The following CNTN5 variants were observed in gnomAD, a reference collection of about 807,000 sequenced individuals.
CNTN5 encodes contactin 5, also known as contactin-5.
A neutral mutation model predicts 129.1 loss-of-function variants in CNTN5; 77 were observed. That is an observed-to-expected ratio of 0.60 (90% CI 0.50 to 0.72). The LOEUF (loss-of-function observed/expected upper bound fraction) is 0.72, where lower values mean the gene tolerates loss of function less well. Among genes scored for constraint, CNTN5 ranks in the 30% least tolerant of loss-of-function variants. The pLI, the probability that CNTN5 is intolerant of heterozygous loss-of-function variation, is 0.00. For missense variants in CNTN5, 1,478 were observed against 1,328.8 expected (o/e 1.11, Z -1.75); for synonymous variants, 509 against 465.6 (o/e 1.09, Z -1.20).
Position 99,070,724 on chromosome 11 carries a change from C to CT in CNTN5, c.-210+49466dup, listed in dbSNP as rs10711828. Among the ~76,000 whole-genome samples the CT allele has an allele frequency of 1.9e-3, 278 of 148,380 alleles. 2 individuals are homozygous for CT. Among genetic ancestry groups the CT allele is most frequent in the African/African-American group, 5.1e-3 (208 of 40,582 alleles). Reference sequence around the variant, plus strand: ...AGGTATACCAATGGTTTTAAAATAACTTTTTTTTTTTTCAAATCCACTCTA... The same window carrying CT: ...AGGTATACCAATGGTTTTAAAATAACTTTTTTTTTTTTTCAAATCCACTCTA... On this transcript the variant is annotated intron_variant, in intron 1 of 24. Transcript: ENST00000524871.
At chr11:99,195,948 G>T (rs1417371598) in intron 1 of CNTN5, among the ~76,000 whole-genome samples, 1 of 151,856 alleles carries the variant, frequency 6.6e-6, no homozygotes, top group African/African-American at 2.4e-5. Flanking sequence ...CAACATTAAT[G>T]GCTTTCACTT....
intron 3 of CNTN5, among the ~76,000 whole-genome samples, chr11:99,745,099 C>T (rs758309778): frequency 3.3e-4 from 50 of 152,212 alleles, no homozygotes; most frequent in Middle Eastern, 6.8e-3. Context: ...CTCCATTAAG[C>T]GTTTTTATTG....
chr11:99,074,225 G>GT lies in CNTN5; in HGVS notation c.-210+52964dup, dbSNP rs969494638. Among the ~76,000 whole-genome samples the GT allele has an allele frequency of 1.5e-4, 23 of 150,410 alleles. 1 individual carries two copies. The highest frequency in any genetic ancestry group is 3.9e-4 in the East Asian group (2 of 5,112). On this transcript the variant is annotated intron_variant, in intron 1 of 24. Coordinates refer to ENST00000524871, the MANE Select transcript of CNTN5 (RefSeq NM_014361.4). ...ACTTCACCCACTTTTTGATGGAGTTGTTTTTTTTTCTTTTAAATTTGTTTA... is the reference window on the plus strand; with the variant it reads ...ACTTCACCCACTTTTTGATGGAGTTGTTTTTTTTTTCTTTTAAATTTGTTTA...
intron 21 of CNTN5, among the ~76,000 whole-genome samples, chr11:100,324,205 G>A (rs1467355665): frequency 6.6e-6 from 1 of 152,084 alleles, no homozygotes; most frequent in East Asian, 1.9e-4. Context: ...GATTTTTAAA[G>A]GCAAAGAAAG....
chr11:100,037,976 G>A (rs1942129454), intron 9 of CNTN5, among the ~76,000 whole-genome samples: 1 of 151,992 alleles, frequency 6.6e-6, no homozygotes, highest in Admixed American at 6.6e-5. Flanking sequence ...CTTCAGTTCT[G>A]CTCTGATCTT....
At chr11:100,255,174 A>C (rs1210717990) in intron 16 of CNTN5, among the ~76,000 whole-genome samples, 3 of 152,212 alleles carry the variant, frequency 2.0e-5, no homozygotes, top group Admixed American at 2.0e-4. Flanking sequence ...AACTCCCTAC[A>C]GAACTTTATG....
At chr11:99,861,508 T>C (rs763317881) in intron 6 of CNTN5, among the ~76,000 whole-genome samples, 41 of 152,348 alleles carry the variant, frequency 2.7e-4, no homozygotes, top group Non-Finnish European at 2.1e-4. Flanking sequence ...AATTTTTTTT[T>C]CCAATAATTC....
chr11:100,183,494 TAGAGTA>T (rs1441736436), intron 13 of CNTN5, among the ~76,000 whole-genome samples: 1 of 152,120 alleles, frequency 6.6e-6, no homozygotes, highest in Non-Finnish European at 1.5e-5. Flanking sequence ...TGAAATAAAC[TAGAGTA>T]AAAGTATGTA....
At chr11:99,727,868 C>T (rs1280791800) in intron 3 of CNTN5, among the ~76,000 whole-genome samples, 1 of 151,794 alleles carries the variant, frequency 6.6e-6, no homozygotes, top group Non-Finnish European at 1.5e-5. Context: ...TATTTATTAA[C>T]TTATTTAATC....
At chr11:99,436,317 A>T (rs993317902) in intron 2 of CNTN5, among the ~76,000 whole-genome samples, 1 of 152,166 alleles carries the variant, frequency 6.6e-6, no homozygotes, top group African/African-American at 2.4e-5. Flanking sequence ...TCCATTTCAC[A>T]TATGAATAAA....
chr11:99,560,079 C>T (rs953473059), intron 3 of CNTN5, among the ~76,000 whole-genome samples: 2 of 151,996 alleles, frequency 1.3e-5, no homozygotes, highest in Non-Finnish European at 2.9e-5. Flanking sequence ...AAGCAAAGGA[C>T]ATTTTTTAGG....
At chr11:100,213,618 C>T (rs2138594178) in intron 15 of CNTN5, among the ~76,000 whole-genome samples, 1 of 152,208 alleles carries the variant, frequency 6.6e-6, no homozygotes, top group East Asian at 1.9e-4. Context: ...GACTGAGTGT[C>T]CTTGACCTTG....
intron 4 of CNTN5, among the ~76,000 whole-genome samples, chr11:99,825,439 A>G (rs1329195633): frequency 6.6e-6 from 1 of 151,974 alleles, no homozygotes; most frequent in Non-Finnish European, 1.5e-5. Flanking sequence ...CTCTTTTACT[A>G]ATTTTACCTT....
At chr11:100,326,474 CTAAA>C (rs1951789083) in intron 21 of CNTN5, among the ~76,000 whole-genome samples, 1 of 152,136 alleles carries the variant, frequency 6.6e-6, no homozygotes, top group Admixed American at 6.6e-5. Flanking sequence ...ATTTTATCTT[CTAAA>C]TATTTATTCA....
chr11:99,431,072 G>T (rs1282641544), intron 2 of CNTN5, among the ~76,000 whole-genome samples: 1 of 150,148 alleles, frequency 6.7e-6, no homozygotes, highest in Non-Finnish European at 1.5e-5. Context: ...GCCTTGTTAG[G>T]CATAACTCGG....
At chr11:99,750,529 GA>G (rs1489811054) in intron 3 of CNTN5, among the ~76,000 whole-genome samples, 1 of 146,038 alleles carries the variant, frequency 6.8e-6, no homozygotes, top group Non-Finnish European at 1.5e-5. Context: ...TGAGAGCTAA[GA>G]TAGAAGAGTG....
In CNTN5 at chr11:99,647,058, C is replaced by T. The variant is rs1332766789; in HGVS notation, c.55+90789C>T. ...CATTAACCCCATTTGTTTGTTTCTG[C>T]TTTTATTGTCTGTGCTTTTGAGGTC... On this transcript the variant is annotated intron_variant, in intron 3 of 24. Coordinates refer to ENST00000524871, the MANE Select transcript of CNTN5 (RefSeq NM_014361.4). 2.0e-5 allele frequency among the ~76,000 whole-genome samples: 3 copies of T among 151,684 alleles called. No individual in the cohort carries two copies. The East Asian group carries it at 5.8e-4, about 29-fold the overall frequency.
chr11:99,363,384 C>A (rs1939245016), intron 2 of CNTN5, among the ~76,000 whole-genome samples: 1 of 152,068 alleles, frequency 6.6e-6, no homozygotes, highest in East Asian at 1.9e-4. Flanking sequence ...TATTAATCAA[C>A]TTTTACTAGG....
intron 6 of CNTN5, among the ~76,000 whole-genome samples, chr11:99,852,927 A>T (rs968538848): frequency 3.9e-5 from 6 of 152,216 alleles, no homozygotes; most frequent in African/African-American, 1.4e-4. Context: ...AACAATAGAC[A>T]TTTTAAATTT....
Sources: allele counts gnomAD v4.1 joint callset (sites outside exome capture counted in the v4.1 genomes callset), GRCh38; gene constraint gnomAD v4.1.1; transcripts MANE v1.5; gene names NCBI Gene and HGNC (gene_info 2026-07-23, HGNC 2026-07-21).